CAPZB: variants seen among roughly 807,000 people sequenced by gnomAD.
CAPZB encodes the protein capping actin protein of muscle Z-line subunit beta.
In CAPZB, 2 loss-of-function variants were observed where a neutral mutation model predicts 38.1. That is an observed-to-expected ratio of 0.05 (90% CI 0.02 to 0.17). CAPZB has a LOEUF of 0.17. Ranked by LOEUF, CAPZB falls within the 10% of genes least tolerant of loss-of-function variation. CAPZB has a pLI of 1.00. For missense variants in CAPZB, 161 were observed against 334.2 expected (o/e 0.48, Z 4.04); for synonymous variants, 107 against 127.4 (o/e 0.84, Z 1.08).
At position 19,357,828 on chromosome 1, in the gene CAPZB, T is replaced by C. The variant is rs1440445189; in HGVS notation, c.330-265A>G. Among the ~76,000 whole-genome samples, 1 of 152,168 alleles carries C rather than the reference T, an allele frequency of 6.6e-6. No homozygotes were observed. The highest frequency in any genetic ancestry group is 6.5e-5 in the Admixed American group (1 of 15,276). On this transcript the variant is annotated intron_variant, in intron 4 of 8. Transcript: ENST00000264202. This position sits in a 1 kb window ranked among gnomAD's most constrained non-coding sequence, Gnocchi z 4.3. Reference sequence around the variant, plus strand: ...TCTATCTGTGTGGTCTTTGGCTTACTGAACCTCTCTGGGCGTCACACTCCT... The same window carrying C: ...TCTATCTGTGTGGTCTTTGGCTTACCGAACCTCTCTGGGCGTCACACTCCT...
At chr1:19,475,388 C>T (rs1336653139) in intron 1 of CAPZB, among the ~76,000 whole-genome samples, 3 of 152,176 alleles carry the variant, frequency 2.0e-5, no homozygotes, top group African/African-American at 4.8e-5. Flanking sequence ...TCCAAGAAAG[C>T]CACCAGTGTG....
intron 7 of CAPZB, among the ~76,000 whole-genome samples, 163 bp from the exon 8 acceptor site, chr1:19,344,597 C>T (rs1340095046): frequency 6.6e-6 from 1 of 152,202 alleles, no homozygotes. Context: ...CAAGACCCCA[C>T]CTGCCATCTG....
At chr1:19,353,999 C>T (rs1319194889) in intron 6 of CAPZB, among the ~76,000 whole-genome samples, 1 of 152,228 alleles carries the variant, frequency 6.6e-6, no homozygotes, top group Non-Finnish European at 1.5e-5. Flanking sequence ...GCACTTCCAT[C>T]TGACTATTTA....
chr1:19,363,650 T>C (rs2094066725), intron 4 of CAPZB, among the ~76,000 whole-genome samples: 1 of 151,490 alleles, frequency 6.6e-6, no homozygotes, highest in Admixed American at 6.6e-5. Flanking sequence ...CTTTATGGAG[T>C]GTCTGAAGCT....
At chr1:19,479,626 C>G (rs2100813659) in intron 1 of CAPZB, among the ~76,000 whole-genome samples, 1 of 152,330 alleles carries the variant, frequency 6.6e-6, no homozygotes, top group Middle Eastern at 3.4e-3. Flanking sequence ...ACACCCACAG[C>G]TGCACAGTGG....
At chr1:19,345,698 C>T (rs141849522) in intron 6 of CAPZB, among the ~76,000 whole-genome samples, 2 of 152,382 alleles carry the variant, frequency 1.3e-5, no homozygotes, top group African/African-American at 2.4e-5. Flanking sequence ...TGCGCCCTGG[C>T]GCTCCCAAAT....
chr1:19,409,654 G>A (rs1420412431), intron 2 of CAPZB, among the ~76,000 whole-genome samples: 2 of 152,216 alleles, frequency 1.3e-5, no homozygotes, highest in African/African-American at 4.8e-5. Flanking sequence ...AACTGCTGGA[G>A]GCCCTGCTTC....
At position 19,363,259 on chromosome 1, in the gene CAPZB, A is replaced by ATTTTT. The variant is rs1558186990; in HGVS notation, c.330-5697_330-5696insAAAAA. 4.3e-4 allele frequency among the ~76,000 whole-genome samples: 36 copies of ATTTTT among 83,600 alleles called. No homozygotes were observed. The East Asian group carries it at 6.6e-3, about 15-fold the overall frequency. 54.8% of individuals were successfully genotyped at this position (83,600 alleles called of 152,430 possible). Reference sequence around the variant, plus strand: ...ACCATGCATGGCTAATTAAAAAAAAAATTTTTTTTTTTTTTTTTTTAGAGA... The same window carrying ATTTTT: ...ACCATGCATGGCTAATTAAAAAAAAATTTTTATTTTTTTTTTTTTTTTTTTAGAGA... On this transcript the variant is annotated intron_variant, in intron 4 of 8. Coordinates refer to ENST00000264202, the MANE Select transcript of CAPZB (RefSeq NM_004930.5).
At position 19,356,842 on chromosome 1, in the gene CAPZB, G is replaced by A. The variant is rs74922425; in HGVS notation, c.472-91C>T. 0.014 allele frequency: 11,067 copies of A among 773,286 alleles called. 471 individuals carry two copies. The highest frequency in any genetic ancestry group is 0.14 in the East Asian group (5,551 of 40,666). 47.9% of individuals were successfully genotyped at this position (773,286 alleles called of 1,614,324 possible). ...GTCATCCTAACATCTCCCTTCCTAG[G>A]TCATTATCACAATATTACCTTTTTT... On this transcript the variant is annotated intron_variant, in intron 5 of 8. Transcript: ENST00000264202. This position sits in a 1 kb window ranked among gnomAD's most constrained non-coding sequence, Gnocchi z 4.3.
intron 1 of CAPZB, among the ~76,000 whole-genome samples, chr1:19,439,855 G>A (rs1040190073): frequency 1.3e-5 from 2 of 152,190 alleles, no homozygotes; most frequent in Admixed American, 1.3e-4. Context: ...ATTCCCGTGA[G>A]AGCAACCCCT....
At chr1:19,476,021 T>C (rs2100797412) in intron 1 of CAPZB, among the ~76,000 whole-genome samples, 1 of 152,286 alleles carries the variant, frequency 6.6e-6, no homozygotes, top group Non-Finnish European at 1.5e-5. Flanking sequence ...CTCAGGTAAC[T>C]ACTAAAACAG....
chr1:19,386,252 C>T (rs1051929372), intron 2 of CAPZB, among the ~76,000 whole-genome samples: 1 of 152,166 alleles, frequency 6.6e-6, no homozygotes, highest in Non-Finnish European at 1.5e-5. Context: ...ACCCCGCGGT[C>T]GGGGGCTGGC....
chr1:19,480,315 C>T (rs1411357760), intron 1 of CAPZB, among the ~76,000 whole-genome samples: 1 of 152,170 alleles, frequency 6.6e-6, no homozygotes, highest in Admixed American at 6.5e-5. Context: ...AATTTCACCC[C>T]TACTCCCCAT....
chr1:19,419,592 A>G, intron 2 of CAPZB, 69 bp downstream of exon 2: 1 of 891,058 alleles, frequency 1.1e-6, no homozygotes. Context: ...TCTGCATGGA[A>G]AAAGCTACAC....
intron 2 of CAPZB, among the ~76,000 whole-genome samples, chr1:19,387,193 A>G (rs1015457264): frequency 2.6e-5 from 4 of 152,244 alleles, no homozygotes; most frequent in African/African-American, 7.2e-5. Flanking sequence ...CCCAAGGGCC[A>G]CACAAGAAGC....
intron 2 of CAPZB, among the ~76,000 whole-genome samples, chr1:19,388,757 G>C (rs917681104): frequency 2.0e-5 from 3 of 152,244 alleles, no homozygotes; most frequent in African/African-American, 7.2e-5. Context: ...CGGAACCTTA[G>C]GCAAAGCCCA....
At chr1:19,341,524 T>A (rs908113784) in intron 8 of CAPZB, among the ~76,000 whole-genome samples, 1 of 152,126 alleles carries the variant, frequency 6.6e-6, no homozygotes, top group Non-Finnish European at 1.5e-5. Context: ...AGGGGGCTTA[T>A]TTAAGGGACA....
At position 19,452,578 on chromosome 1, in the gene CAPZB, C is replaced by T. The variant is rs1272334950; in HGVS notation, c.4-32828G>A. On this transcript the variant is annotated intron_variant, in intron 1 of 8. Coordinates refer to ENST00000264202, the MANE Select transcript of CAPZB (RefSeq NM_004930.5). The stretch of plus-strand genomic sequence containing the variant: ...ACACACCCTGAAGGCAGAGTCAGCA[C>T]GCCCAAATCCTGTGGGGCCTGATGG... Among the ~76,000 whole-genome samples the T allele has an allele frequency of 5.3e-5, 8 of 152,130 alleles. No individual in the cohort carries two copies. In the East Asian group the frequency reaches 1.2e-3, roughly 22 times the overall value.
chr1:19,462,705 A>C lies in CAPZB; in HGVS notation c.3+22731T>G, dbSNP rs1570341628. 2.6e-5 allele frequency among the ~76,000 whole-genome samples: 4 copies of C among 152,346 alleles called. No individual in the cohort carries two copies. In the South Asian group the frequency reaches 8.3e-4, roughly 32 times the overall value. The stretch of plus-strand genomic sequence containing the variant: ...AACAGTTAAAAACAGGTCCAGTTGA[A>C]TGGCATTCCCTCTGGCTCCTATCCA... On this transcript the variant is annotated intron_variant, in intron 1 of 8. Transcript: ENST00000264202.
Sources: gnomAD v4.1 joint callset for allele counts (sites outside exome capture counted in the v4.1 genomes callset) on GRCh38, gnomAD v4.1.1 for gene constraint, Gnocchi (gnomAD v3.1) non-coding constraint, MANE v1.5 for transcripts, NCBI Gene and HGNC (gene_info 2026-07-23, HGNC 2026-07-21) for gene names.